Variants in NCOR2 observed in about 807,000 individuals in gnomAD.
The protein encoded by NCOR2 is nuclear receptor corepressor 2.
Under a neutral mutation model 262.9 loss-of-function variants are expected in NCOR2, and 81 were observed. That is an observed-to-expected ratio of 0.31 (90% CI 0.26 to 0.37). The LOEUF is 0.37. Ranked by LOEUF, NCOR2 falls within the 10% of genes least tolerant of loss-of-function variation. The pLI is 1.00. For missense variants in NCOR2, 3,385 were observed against 3,621.4 expected, an observed-to-expected ratio of 0.93 and a Z score of 1.68; for synonymous variants, 1,659 against 1,559.3, an observed-to-expected ratio of 1.06 and a Z score of -1.51.
At chr12:124,559,130 A>C (rs542708877) in intron 1 of NCOR2, among the ~76,000 whole-genome samples, 1 of 152,250 alleles carries the variant, frequency 6.6e-6, no homozygotes, top group African/African-American at 2.4e-5. Context: ...GGTCTGGTCC[A>C]ATTCCACCTC....
intron 1 of NCOR2, among the ~76,000 whole-genome samples, chr12:124,530,998 G>A (rs566766672): frequency 2.0e-4 from 31 of 152,256 alleles, no homozygotes; most frequent in African/African-American, 7.2e-4. Flanking sequence ...GACTCAGGCC[G>A]GGGCATTTAA....
intron 38 of NCOR2, chr12:124,336,142 G>A (rs974681280): frequency 1.1e-4 from 18 of 164,024 alleles, no homozygotes; most frequent in Non-Finnish European, 1.9e-4. Flanking sequence ...TGGGGTACAG[G>A]GGCTGGGGAC....
In NCOR2 at chr12:124,378,182, C is replaced by T; in HGVS notation, c.2167+55G>A. ...CGGGATCAGTTCCCGCTATGCCCTC[C>T]CTCAGAGCTCGGACCCACAGCTGCC... On this transcript the variant is annotated intron_variant, in intron 18 of 46. Transcript: ENST00000405201. This position sits in a 1 kb window ranked among gnomAD's most constrained non-coding sequence, Gnocchi z 4.2. 1 of 1,590,832 alleles carries T rather than the reference C, an allele frequency of 6.3e-7. No individual in the cohort carries two copies. The highest frequency in any genetic ancestry group is 1.1e-5 in the South Asian group (1 of 87,418).
chr12:124,420,596 CCTT>C (rs1203429999), intron 12 of NCOR2, among the ~76,000 whole-genome samples: 1 of 152,250 alleles, frequency 6.6e-6, no homozygotes, highest in Non-Finnish European at 1.5e-5. Flanking sequence ...TCCTGGGTTT[CCTT>C]CTTTTCTCTG....
intron 1 of NCOR2, among the ~76,000 whole-genome samples, chr12:124,489,168 G>C (rs1262679150): frequency 4.6e-5 from 7 of 151,946 alleles, no homozygotes. Flanking sequence ...AGCCCAAGGG[G>C]TCCCATGAGC....
chr12:124,437,296 G>A (rs367818344), intron 8 of NCOR2, among the ~76,000 whole-genome samples: 1 of 152,140 alleles, frequency 6.6e-6, no homozygotes, highest in South Asian at 2.1e-4. Context: ...CTCCTCCGGG[G>A]AATGGGTGAT....
chr12:124,342,026 G>A lies in NCOR2; in HGVS notation c.4985C>T (p.Pro1662Leu), dbSNP rs769363112. ...GATGAGGTAGGGTGGGTACAGGTGC[G>A]GGTAGGTGGGGTTGGGGGCCAGGTG... The change falls in exon 34 of 47, where the codon CCG (proline) becomes CTG (leucine). Residue 1662 changes from proline (P) to leucine (L), a missense_variant. Physicochemically the swap from Pro to Leu is moderately conservative, Grantham distance 98. Coordinates refer to ENST00000405201, the Ensembl canonical transcript of NCOR2. 11 of 1,612,776 alleles carry A rather than the reference G, an allele frequency of 6.8e-6. No individual in the cohort carries two copies. In the Admixed American group the frequency reaches 1.0e-4, roughly 15 times the overall value.
In NCOR2 at chr12:124,338,239, G is replaced by A. The variant is rs141291660; in HGVS notation, c.5688-1059C>T. On this transcript the variant is annotated intron_variant, in intron 37 of 46. Coordinates refer to ENST00000405201, the Ensembl canonical transcript of NCOR2. ...ATAGGTCCTGGAGGCTGAGTGCGGT[G>A]GCGCACGCCTGTAATCCCGGCACTT... is the stretch of plus-strand genomic sequence containing the variant. Among the ~76,000 whole-genome samples the A allele has an allele frequency of 9.3e-3, 1,421 of 152,300 alleles. 13 individuals are homozygous for A. The highest frequency in any genetic ancestry group is 0.033 in the African/African-American group (1,351 of 41,564).
chr12:124,534,939 T>G (rs529450484), intron 1 of NCOR2, among the ~76,000 whole-genome samples: 1 of 152,346 alleles, frequency 6.6e-6, no homozygotes, highest in East Asian at 1.9e-4. Flanking sequence ...CTGCTCTCTA[T>G]GAGCATTAAT....
chr12:124,554,133 G>C (rs2051807517), intron 1 of NCOR2, among the ~76,000 whole-genome samples: 1 of 152,242 alleles, frequency 6.6e-6, no homozygotes, highest in South Asian at 2.1e-4. Context: ...GAACCCTCCT[G>C]ATGCTTAAAG....
chr12:124,529,901 C>G (rs1018929289), intron 1 of NCOR2: 18 of 152,240 alleles, frequency 1.2e-4, no homozygotes, highest in African/African-American at 4.3e-4. Context: ...TAGAAAACAG[C>G]TGGTGGTTTC....
intron 16 of NCOR2, chr12:124,388,862 C>G: frequency 1.3e-5 from 13 of 1,036,490 alleles, no homozygotes; most frequent in Admixed American, 6.0e-5. Flanking sequence ...CTCCGTCCCA[C>G]GGTGAGGGAG....
intron 41 of NCOR2, among the ~76,000 whole-genome samples, chr12:124,333,886 A>ATGTGTGTG (rs771184483): frequency 8.3e-6 from 1 of 120,722 alleles, no homozygotes; most frequent in African/African-American, 2.8e-5. Flanking sequence ...GCGGGTGTGC[A>ATGTGTGTG]TGTGTGTGTG....
chr12:124,466,867 C>G (rs1474196914), intron 4 of NCOR2, among the ~76,000 whole-genome samples: 2 of 151,994 alleles, frequency 1.3e-5, no homozygotes, highest in Non-Finnish European at 2.9e-5. Context: ...AGTTACTACT[C>G]TAGAGAGCCG....
chr12:124,543,569 T>C (rs1462936011), intron 1 of NCOR2, among the ~76,000 whole-genome samples: 10 of 152,180 alleles, frequency 6.6e-5, no homozygotes, highest in Admixed American at 6.5e-4. Flanking sequence ...TAGCAGGGAC[T>C]AGGCTTCCCA....
intron 27 of NCOR2, among the ~76,000 whole-genome samples, chr12:124,351,524 T>C (rs1331977808): frequency 6.6e-6 from 1 of 152,088 alleles, no homozygotes; most frequent in Non-Finnish European, 1.5e-5. Context: ...GAGGCACAAT[T>C]TCCCCCAATT....
chr12:124,565,777 A>T (rs2052218657), intron 1 of NCOR2, among the ~76,000 whole-genome samples: 1 of 152,202 alleles, frequency 6.6e-6, no homozygotes, highest in South Asian at 2.1e-4. Context: ...GAAACCTGAC[A>T]GGCACAGAGA....
chr12:124,499,529 G>A (rs148933601), upstream of NCOR2, among the ~76,000 whole-genome samples: 16 of 152,372 alleles, frequency 1.1e-4, no homozygotes, highest in Non-Finnish European at 2.2e-4. Context: ...TCCAGCTGGA[G>A]GCGCCGCTGA....
chr12:124,520,376 G>A (rs912103964), intron 1 of NCOR2, among the ~76,000 whole-genome samples: 25 of 152,160 alleles, frequency 1.6e-4, no homozygotes, highest in East Asian at 7.7e-4. Context: ...ACCAGGAAGC[G>A]GTGCCTGAGA....
Sources: allele counts gnomAD v4.1 joint callset (sites outside exome capture counted in the v4.1 genomes callset), GRCh38; gene constraint gnomAD v4.1.1; non-coding constraint Gnocchi (gnomAD v3.1); transcripts MANE v1.5; gene names NCBI Gene and HGNC (gene_info 2026-07-23, HGNC 2026-07-21).